The following ROBO2 variants were observed in gnomAD, a reference collection of about 807,000 sequenced individuals.
The protein encoded by ROBO2 is roundabout homolog 2.
In ROBO2, 53 loss-of-function variants were observed where a neutral mutation model predicts 160.8. The observed-to-expected ratio is 0.33, with a 90% CI of 0.26 to 0.41. The LOEUF (loss-of-function observed/expected upper bound fraction) is 0.41, where lower values mean the gene tolerates loss of function less well. Among genes scored for constraint, ROBO2 ranks in the 10% least tolerant of loss-of-function variants. The pLI, the probability that ROBO2 is intolerant of heterozygous loss-of-function variation, is 1.00. For synonymous variants in ROBO2, 664 were observed against 611.7 expected, an observed-to-expected ratio of 1.09 and a Z score of -1.26; for missense variants, 1,577 against 1,722.4, an observed-to-expected ratio of 0.92 and a Z score of 1.49.
intron 16 of ROBO2, among the ~76,000 whole-genome samples, chr3:77,587,838 C>G (rs941326975): frequency 6.6e-6 from 1 of 152,072 alleles, no homozygotes; most frequent in Non-Finnish European, 1.5e-5. Flanking sequence ...ACTAATTAGG[C>G]ATGATATTAA....
At chr3:76,990,757 T>G (rs7621772) in intron 2 of ROBO2, among the ~76,000 whole-genome samples, 44,079 of 152,064 alleles carry the variant, frequency 0.29, 6,945 homozygotes, top group East Asian at 0.65. Context: ...TGATGAGATC[T>G]CAGGAGTTGG....
At chr3:76,205,795 C>T (rs542570816) in intron 2 of ROBO2, among the ~76,000 whole-genome samples, 2 of 152,236 alleles carry the variant, frequency 1.3e-5, no homozygotes, top group South Asian at 4.2e-4. Context: ...AAATTCTTCT[C>T]CAGTACCTCC....
intron 2 of ROBO2, among the ~76,000 whole-genome samples, chr3:76,486,479 G>A (rs978556565): frequency 3.3e-5 from 5 of 152,108 alleles, no homozygotes; most frequent in East Asian, 1.9e-4. Flanking sequence ...TATCCTTTAC[G>A]TAAGGGGAGT....
At chr3:76,980,399 G>A (rs1241728821) in intron 2 of ROBO2, among the ~76,000 whole-genome samples, 1 of 152,118 alleles carries the variant, frequency 6.6e-6, no homozygotes, top group African/African-American at 2.4e-5. Context: ...TTGACAGGGG[G>A]CAGCTGGAGG....
intron 2 of ROBO2, among the ~76,000 whole-genome samples, chr3:77,241,960 C>T (rs1268252978): frequency 6.6e-6 from 1 of 152,158 alleles, no homozygotes; most frequent in East Asian, 1.9e-4. Flanking sequence ...ATGATAAACA[C>T]AGACATTTAC....
At chr3:75,954,496 C>T (rs1238660607) in intron 2 of ROBO2, among the ~76,000 whole-genome samples, 1 of 151,872 alleles carries the variant, frequency 6.6e-6, no homozygotes, top group Non-Finnish European at 1.5e-5. Flanking sequence ...TTAGTTTCCC[C>T]ATTTTCCCCT....
At position 77,610,132 on chromosome 3, in the gene ROBO2, A is replaced by T. The variant is rs867232981; in HGVS notation, c.3293+2178A>T. ...TATACTTTTATATTTTCTAATCGGT[A>T]AACCATATGATACTGAAAAAGAAAG... On this transcript the variant is annotated intron_variant, in intron 21 of 25. Transcript: ENST00000461745. Among the ~76,000 whole-genome samples, 6 of 151,956 alleles carry T rather than the reference A, an allele frequency of 3.9e-5. No homozygotes were observed. The South Asian group carries it at 1.2e-3, about 31-fold the overall frequency.
chr3:76,485,322 G>A (rs961252297), intron 2 of ROBO2, among the ~76,000 whole-genome samples: 10 of 152,056 alleles, frequency 6.6e-5, no homozygotes, highest in Middle Eastern at 3.4e-3. Context: ...CCTGGAATGC[G>A]CAGTCCACAA....
At chr3:77,346,432 A>AATAC (rs1300465122) in intron 2 of ROBO2, among the ~76,000 whole-genome samples, 2 of 152,188 alleles carry the variant, frequency 1.3e-5, no homozygotes, top group East Asian at 3.9e-4. Flanking sequence ...ATTTTAAAAT[A>AATAC]ATACTTAGCA....
chr3:76,555,133 A>G (rs532959935), intron 2 of ROBO2, among the ~76,000 whole-genome samples: 30 of 152,252 alleles, frequency 2.0e-4, no homozygotes, highest in African/African-American at 6.3e-4. Context: ...AGGACATTCA[A>G]TTGAAGTAAT....
intron 2 of ROBO2, among the ~76,000 whole-genome samples, chr3:77,246,033 G>C (rs2089680551): frequency 6.6e-6 from 1 of 152,190 alleles, no homozygotes; most frequent in Non-Finnish European, 1.5e-5. Flanking sequence ...TCAGGAAGTA[G>C]ATTGTTTAAA....
chr3:76,887,016 G>A (rs550691399), intron 2 of ROBO2, among the ~76,000 whole-genome samples: 1 of 152,254 alleles, frequency 6.6e-6, no homozygotes, highest in East Asian at 1.9e-4. Context: ...TTTTCTAAAG[G>A]TGTTCTAAGG....
intron 1 of ROBO2, among the ~76,000 whole-genome samples, chr3:77,079,193 C>T (rs1254460868): frequency 2.0e-5 from 3 of 152,138 alleles, no homozygotes; most frequent in Non-Finnish European, 4.4e-5. Context: ...GTGATCCACC[C>T]ACCTCAGCCT....
intron 1 of ROBO2, among the ~76,000 whole-genome samples, chr3:77,088,419 G>A (rs2069650952): frequency 6.6e-6 from 1 of 151,886 alleles, no homozygotes; most frequent in Admixed American, 6.6e-5. Context: ...TAAGTTCTGG[G>A]ATACATATGC....
chr3:76,471,970 C>T (rs7633061), intron 2 of ROBO2, among the ~76,000 whole-genome samples: 3,270 of 152,036 alleles, frequency 0.022, 120 homozygotes, highest in African/African-American at 0.075. Context: ...GTCCCTCCCA[C>T]GACATGTGGA....
intron 2 of ROBO2, among the ~76,000 whole-genome samples, chr3:76,089,022 T>G (rs188499877): frequency 6.6e-6 from 1 of 152,036 alleles, no homozygotes; most frequent in African/African-American, 2.4e-5. Context: ...CTCTATAGAT[T>G]TATGGGCATC....
intron 2 of ROBO2, among the ~76,000 whole-genome samples, chr3:76,858,867 A>C (rs931220932): frequency 4.6e-5 from 7 of 152,240 alleles, no homozygotes; most frequent in Admixed American, 2.0e-4. Context: ...TGCTGAATCC[A>C]GGGTCTGATG....
At chr3:76,836,097 T>C (rs2067667982) in intron 2 of ROBO2, among the ~76,000 whole-genome samples, 1 of 152,074 alleles carries the variant, frequency 6.6e-6, no homozygotes, top group Non-Finnish European at 1.5e-5. Context: ...ACTATTTAGT[T>C]GAATAGAGGC....
chr3:76,136,124 A>G (rs987236378), intron 2 of ROBO2, among the ~76,000 whole-genome samples: 17 of 152,222 alleles, frequency 1.1e-4, no homozygotes, highest in African/African-American at 4.1e-4. Flanking sequence ...TCTGAGTTTT[A>G]GTGTTCTTGT....
Sources: allele counts gnomAD v4.1 joint callset (sites outside exome capture counted in the v4.1 genomes callset), GRCh38; gene constraint gnomAD v4.1.1; transcripts MANE v1.5; gene names NCBI Gene and HGNC (gene_info 2026-07-23, HGNC 2026-07-21).